CDKAL1: variants seen among roughly 807,000 people sequenced by gnomAD.
CDKAL1 encodes threonylcarbamoyladenosine tRNA methylthiotransferase.
Under a neutral mutation model 68.2 loss-of-function variants are expected in CDKAL1, and 32 were observed. The observed-to-expected ratio is 0.47, with a 90% CI of 0.35 to 0.63. The LOEUF is 0.63. Among genes scored for constraint, CDKAL1 ranks in the 30% least tolerant of loss-of-function variants. CDKAL1 has a pLI of 0.00. For synonymous variants in CDKAL1, 234 were observed against 244.3 expected, an observed-to-expected ratio of 0.96 and a Z score of 0.39; for missense variants, 606 against 696.7, an observed-to-expected ratio of 0.87 and a Z score of 1.47.
intron 5 of CDKAL1, among the ~76,000 whole-genome samples, chr6:20,682,572 C>A (rs903509688): frequency 9.9e-6 from 1 of 100,828 alleles, no homozygotes; most frequent in African/African-American, 3.5e-5. Flanking sequence ...CGTGATAACT[C>A]TATCAGGAGA....
At chr6:20,913,113 G>A (rs946798155) in intron 9 of CDKAL1, among the ~76,000 whole-genome samples, 3 of 96,096 alleles carry the variant, frequency 3.1e-5, no homozygotes, top group African/African-American at 5.2e-5. Context: ...AACCACAGTT[G>A]TTTACACACA....
intron 5 of CDKAL1, among the ~76,000 whole-genome samples, chr6:20,730,470 AGAAG>A (rs201696491): frequency 6.6e-6 from 1 of 150,576 alleles, no homozygotes; most frequent in African/African-American, 2.4e-5. Context: ...AAGAAAAGAA[AGAAG>A]GAAGGAAGGA....
intron 6 of CDKAL1, among the ~76,000 whole-genome samples, chr6:20,740,426 A>G (rs1773399427): frequency 6.6e-6 from 1 of 152,162 alleles, no homozygotes; most frequent in Admixed American, 6.6e-5. Flanking sequence ...CTGAGTAAAA[A>G]TGCCCTGAAG....
chr6:20,924,674 GA>G (rs1763105693), intron 9 of CDKAL1, among the ~76,000 whole-genome samples: 1 of 152,228 alleles, frequency 6.6e-6, no homozygotes, highest in African/African-American at 2.4e-5. Flanking sequence ...GCAAGCTGCA[GA>G]AGAAAAGTTT....
At chr6:21,018,635 A>G (rs1177378499) in intron 11 of CDKAL1, among the ~76,000 whole-genome samples, 2 of 152,254 alleles carry the variant, frequency 1.3e-5, no homozygotes, top group Admixed American at 1.3e-4. Context: ...TGTTGCAAAT[A>G]TTATGACATT....
At chr6:20,786,165 C>T (rs994151429) in intron 8 of CDKAL1, among the ~76,000 whole-genome samples, 2 of 152,116 alleles carry the variant, frequency 1.3e-5, no homozygotes, top group Non-Finnish European at 2.9e-5. Context: ...GTGGATGTTG[C>T]AGTGAGCTGA....
intron 6 of CDKAL1, among the ~76,000 whole-genome samples, chr6:20,754,900 G>C (rs905668209): frequency 6.6e-6 from 1 of 152,040 alleles, no homozygotes; most frequent in Non-Finnish European, 1.5e-5. Flanking sequence ...TAGATTTATG[G>C]CTGTGTTTTC....
chr6:20,985,170 A>G (rs1192807102), intron 10 of CDKAL1, among the ~76,000 whole-genome samples: 1 of 152,170 alleles, frequency 6.6e-6, no homozygotes, highest in Non-Finnish European at 1.5e-5. Flanking sequence ...TATGTTGCAT[A>G]ATGATCAAAC....
chr6:21,167,931 A>G (rs558872085), intron 13 of CDKAL1, among the ~76,000 whole-genome samples: 1 of 152,320 alleles, frequency 6.6e-6, no homozygotes, highest in Non-Finnish European at 1.5e-5. Context: ...TTGCAAGCTG[A>G]TAAGTAGACG....
chr6:21,077,502 C>T (rs1323904362), intron 12 of CDKAL1, among the ~76,000 whole-genome samples: 2 of 152,202 alleles, frequency 1.3e-5, no homozygotes, highest in African/African-American at 4.8e-5. Flanking sequence ...TAATTGTGCT[C>T]ATGGTTCTGC....
At chr6:21,129,110 G>C (rs1453851228) in intron 13 of CDKAL1, among the ~76,000 whole-genome samples, 1 of 152,168 alleles carries the variant, frequency 6.6e-6, no homozygotes, top group East Asian at 1.9e-4. Flanking sequence ...GTATGTTGAA[G>C]AGATTGGCAC....
intron 9 of CDKAL1, among the ~76,000 whole-genome samples, chr6:20,928,180 A>G (rs1422673051): frequency 2.6e-5 from 4 of 152,198 alleles, no homozygotes; most frequent in Admixed American, 1.3e-4. Flanking sequence ...TCGTTTTACA[A>G]TCACATAGAA....
intron 15 of CDKAL1, among the ~76,000 whole-genome samples, chr6:21,206,819 G>A: frequency 6.6e-6 from 1 of 151,998 alleles, no homozygotes; most frequent in Non-Finnish European, 1.5e-5. Flanking sequence ...TAGACAAAGT[G>A]CACCATGCAT....
At chr6:20,710,919 A>G (rs1481700097) in intron 5 of CDKAL1, among the ~76,000 whole-genome samples, 1 of 152,196 alleles carries the variant, frequency 6.6e-6, no homozygotes, top group Non-Finnish European at 1.5e-5. Context: ...ACCTATTGAC[A>G]TGATTTCTAG....
chr6:20,701,379 T>G (rs562395562), intron 5 of CDKAL1, among the ~76,000 whole-genome samples: 99 of 152,150 alleles, frequency 6.5e-4, no homozygotes, highest in Non-Finnish European at 1.1e-3. Context: ...GGGCCTGCAC[T>G]GTACTATTGC....
At chr6:20,999,034 G>T (rs1767277773) in intron 10 of CDKAL1, among the ~76,000 whole-genome samples, 2 of 152,142 alleles carry the variant, frequency 1.3e-5, no homozygotes, top group African/African-American at 4.8e-5. Flanking sequence ...GAATTAGCTG[G>T]CTCTTTGATT....
intron 10 of CDKAL1, among the ~76,000 whole-genome samples, chr6:20,986,815 G>A (rs145978182): frequency 7.3e-4 from 111 of 152,230 alleles, no homozygotes; most frequent in African/African-American, 2.6e-3. Flanking sequence ...AGCCTTGTTT[G>A]TATTTTAAGA....
intron 11 of CDKAL1, among the ~76,000 whole-genome samples, chr6:21,048,504 G>GTA (rs1030400520): frequency 2.0e-5 from 3 of 151,916 alleles, no homozygotes; most frequent in Non-Finnish European, 4.4e-5. Flanking sequence ...GTATGTGTGT[G>GTA]TATATATATA....
At chr6:21,068,807 T>C (rs1771596471) in intron 12 of CDKAL1, among the ~76,000 whole-genome samples, 1 of 152,202 alleles carries the variant, frequency 6.6e-6, no homozygotes, top group South Asian at 2.1e-4. Context: ...GGGAAACTGA[T>C]GTTGTTATAA....
Sources: allele counts gnomAD v4.1 joint callset (sites outside exome capture counted in the v4.1 genomes callset), GRCh38; gene constraint gnomAD v4.1.1; transcripts MANE v1.5; gene names NCBI Gene and HGNC (gene_info 2026-07-23, HGNC 2026-07-21).